GRIN2B: variants seen among roughly 807,000 people sequenced by gnomAD.
GRIN2B encodes the protein glutamate ionotropic receptor NMDA type subunit 2B.
A neutral mutation model predicts 114.5 loss-of-function variants in GRIN2B; 5 were observed. The observed-to-expected ratio is 0.04, with a 90% CI of 0.02 to 0.09. GRIN2B has a LOEUF of 0.09. GRIN2B is among the 10% of genes least tolerant of loss of function. GRIN2B has a pLI of 1.00. For missense variants in GRIN2B, 1,108 were observed against 1,943.5 expected, an observed-to-expected ratio of 0.57 and a Z score of 8.08; for synonymous variants, 787 against 745.1, an observed-to-expected ratio of 1.06 and a Z score of -0.92.
intron 3 of GRIN2B, among the ~76,000 whole-genome samples, chr12:13,856,019 G>T (rs1033044176): frequency 3.3e-5 from 5 of 152,290 alleles, no homozygotes; most frequent in South Asian, 2.1e-4. Flanking sequence ...AACAAGACAG[G>T]TTACAATAAA....
At chr12:13,790,639 G>C (rs1342883779) in intron 3 of GRIN2B, among the ~76,000 whole-genome samples, 1 of 152,216 alleles carries the variant, frequency 6.6e-6, no homozygotes, top group Non-Finnish European at 1.5e-5. Context: ...TGAATCCTCT[G>C]TGGAGAATCA....
intron 2 of GRIN2B, among the ~76,000 whole-genome samples, chr12:13,894,704 G>A (rs962749125): frequency 3.3e-5 from 5 of 151,858 alleles, no homozygotes; most frequent in Non-Finnish European, 7.4e-5. Flanking sequence ...TATACCAGTC[G>A]ATAGACAAAG....
chr12:13,710,575 C>T (rs377554330), intron 4 of GRIN2B, among the ~76,000 whole-genome samples: 1 of 151,866 alleles, frequency 6.6e-6, no homozygotes, highest in African/African-American at 2.4e-5. Context: ...AGCATTCTTA[C>T]ACACCAATAA....
intron 2 of GRIN2B, among the ~76,000 whole-genome samples, chr12:13,942,946 C>T (rs924320803): frequency 3.9e-5 from 6 of 152,100 alleles, no homozygotes; most frequent in African/African-American, 1.4e-4. Context: ...ATTTTGATCA[C>T]ATCCTTGACC....
Position 13,563,793 on chromosome 12 carries a change from C to T in GRIN2B, c.3445G>A (p.Val1149Ile). 2 of 1,613,766 alleles carry T rather than the reference C, an allele frequency of 1.2e-6. No homozygotes were observed. Among genetic ancestry groups the T allele is most frequent in the Non-Finnish European group, 8.5e-7 (1 of 1,179,906 alleles). ...TCCTTGTAGATGTCGGTCAGGTCTACGTGCTCCCAGTGGGGTGAGTTCTCC... is the reference window on the plus strand; with the variant it reads ...TCCTTGTAGATGTCGGTCAGGTCTATGTGCTCCCAGTGGGGTGAGTTCTCC... ...TKENSPHWEH[V>I]DLTDIYKERS... The change falls in exon 14 of 14, where the codon GTA becomes ATA. Residue 1149 changes from valine to isoleucine, a missense_variant. By Grantham distance (29) the Val-to-Ile change is conservative (BLOSUM62 3). Around this residue, in one of 19 missense-constraint regions of GRIN2B, gnomAD observed 478 missense variants for 506.0 expected, o/e 0.94. Coordinates refer to ENST00000609686, the MANE Select transcript of GRIN2B (RefSeq NM_000834.5).
intron 4 of GRIN2B, among the ~76,000 whole-genome samples, chr12:13,743,054 G>A (rs958860438): frequency 5.3e-5 from 8 of 152,146 alleles, no homozygotes; most frequent in African/African-American, 1.9e-4. Flanking sequence ...TCCCAGCTCT[G>A]GACAGACCAC....
intron 10 of GRIN2B, among the ~76,000 whole-genome samples, chr12:13,580,795 A>G (rs731086): frequency 0.27 from 41,741 of 152,184 alleles, 7,380 homozygotes; most frequent in Middle Eastern, 0.5. Flanking sequence ...AAACAATTCC[A>G]TTTCTCAAAA....
intron 2 of GRIN2B, among the ~76,000 whole-genome samples, chr12:13,901,638 G>C (rs1338198233): frequency 6.6e-6 from 1 of 151,924 alleles, no homozygotes; most frequent in Non-Finnish European, 1.5e-5. Flanking sequence ...TATGAGTCTT[G>C]TCAGCTACGT....
At chr12:13,883,471 T>G (rs1008166312) in intron 2 of GRIN2B, among the ~76,000 whole-genome samples, 1 of 152,156 alleles carries the variant, frequency 6.6e-6, no homozygotes, top group African/African-American at 2.4e-5. Context: ...GGTCCTTCTT[T>G]CTTTTTGTTA....
intron 4 of GRIN2B, among the ~76,000 whole-genome samples, chr12:13,700,988 A>G (rs1950306661): frequency 6.6e-6 from 1 of 152,232 alleles, no homozygotes; most frequent in Non-Finnish European, 1.5e-5. Flanking sequence ...CTCACAATTC[A>G]GCAAGGCTGG....
chr12:13,975,039 T>A (rs1375617147), intron 2 of GRIN2B, among the ~76,000 whole-genome samples: 5 of 151,094 alleles, frequency 3.3e-5, no homozygotes, highest in African/African-American at 1.2e-4. Flanking sequence ...GTGGAAAGAG[T>A]GAAAGAAGAG....
intron 2 of GRIN2B, among the ~76,000 whole-genome samples, chr12:13,977,731 C>G (rs942046842): frequency 1.3e-5 from 2 of 152,088 alleles, no homozygotes; most frequent in Admixed American, 1.3e-4. Flanking sequence ...GTCACAGCCT[C>G]ACAGAGACTG....
intron 2 of GRIN2B, among the ~76,000 whole-genome samples, chr12:13,931,261 C>T (rs978156808): frequency 2.0e-5 from 3 of 152,226 alleles, no homozygotes; most frequent in African/African-American, 4.8e-5. Context: ...CTTGCATAGA[C>T]GTCACCAGTA....
chr12:13,832,893 T>C (rs916077024), intron 3 of GRIN2B, among the ~76,000 whole-genome samples: 4 of 152,170 alleles, frequency 2.6e-5, no homozygotes, highest in South Asian at 4.1e-4. Flanking sequence ...AATTTATATG[T>C]TTACCATGAA....
At chr12:13,647,943 C>T (rs954244387) in intron 5 of GRIN2B, among the ~76,000 whole-genome samples, 1 of 152,204 alleles carries the variant, frequency 6.6e-6, no homozygotes, top group Non-Finnish European at 1.5e-5. Context: ...TGACTTTGAG[C>T]TTGACGAGTC....
chr12:13,796,822 A>C (rs1348374905), intron 3 of GRIN2B, among the ~76,000 whole-genome samples: 3 of 152,158 alleles, frequency 2.0e-5, no homozygotes, highest in Non-Finnish European at 4.4e-5. Flanking sequence ...AAGAAATTAG[A>C]TGTTTTCTAA....
At chr12:13,925,333 A>C (rs1423924412) in intron 2 of GRIN2B, among the ~76,000 whole-genome samples, 1 of 152,208 alleles carries the variant, frequency 6.6e-6, no homozygotes, top group Non-Finnish European at 1.5e-5. Context: ...GGAAGAAATT[A>C]AGGAGTAATT....
intron 2 of GRIN2B, among the ~76,000 whole-genome samples, chr12:13,899,881 T>TGGCAAAAGGAAGTGC (rs1866413857): frequency 9.4e-6 from 1 of 106,020 alleles, no homozygotes. Flanking sequence ...TCTTTGAGTC[T>TGGCAAAAGGAAGTGC]ATGATGATCT....
chr12:13,677,649 T>G (rs1478308734), intron 4 of GRIN2B, among the ~76,000 whole-genome samples: 1 of 152,092 alleles, frequency 6.6e-6, no homozygotes, highest in Non-Finnish European at 1.5e-5. Flanking sequence ...CTTCTTGAAT[T>G]CTTTCACTGA....
Sources: allele counts gnomAD v4.1 joint callset (sites outside exome capture counted in the v4.1 genomes callset), GRCh38; gene constraint gnomAD v4.1.1; regional missense constraint gnomAD v4.1.1; transcripts MANE v1.5; gene names NCBI Gene and HGNC (gene_info 2026-07-23, HGNC 2026-07-21).